The following RASAL2 variants were observed in gnomAD, a reference collection of about 807,000 sequenced individuals.
The protein encoded by RASAL2 is RAS protein activator like 2, also known as ras GTPase-activating protein nGAP.
A neutral mutation model predicts 128.9 loss-of-function variants in RASAL2; 58 were observed. The ratio of observed to expected loss-of-function variants is 0.45; its 90% confidence interval spans 0.36 to 0.56. The LOEUF is 0.56. RASAL2 is among the 20% of genes least tolerant of loss of function. RASAL2 has a pLI of 0.00. For missense variants in RASAL2, 1,360 were observed against 1,601.6 expected (o/e 0.85, Z 2.57); for synonymous variants, 561 against 580.8 (o/e 0.97, Z 0.49).
intron 1 of RASAL2, among the ~76,000 whole-genome samples, chr1:178,278,115 A>G (rs1029306249): frequency 6.6e-6 from 1 of 152,212 alleles, no homozygotes; most frequent in Non-Finnish European, 1.5e-5. Flanking sequence ...CCATTTTTAC[A>G]GTTCAATGCA....
chr1:178,166,015 T>C (rs1391861409), intron 1 of RASAL2, among the ~76,000 whole-genome samples: 1 of 152,092 alleles, frequency 6.6e-6, no homozygotes, highest in Non-Finnish European at 1.5e-5. Context: ...CCAAACCCAC[T>C]TTACCCACCT....
intron 3 of RASAL2, among the ~76,000 whole-genome samples, chr1:178,357,362 TC>T (rs954447529): frequency 1.3e-5 from 2 of 151,994 alleles, no homozygotes; most frequent in South Asian, 2.1e-4. Flanking sequence ...TTTTTTTTTT[TC>T]GAATGGTCAG....
At chr1:178,196,692 C>T (rs1211718243) in intron 1 of RASAL2, among the ~76,000 whole-genome samples, 1 of 152,180 alleles carries the variant, frequency 6.6e-6, no homozygotes, top group African/African-American at 2.4e-5. Flanking sequence ...ACTTAAGCAT[C>T]CTTGGATTCT....
intron 2 of RASAL2, among the ~76,000 whole-genome samples, chr1:178,285,177 G>A (rs1365871770): frequency 7.4e-6 from 1 of 135,586 alleles, no homozygotes; most frequent in Admixed American, 8.1e-5. Flanking sequence ...GTGGACTGCA[G>A]TGGCACAATC....
At chr1:178,205,443 G>C (rs1663006275) in intron 1 of RASAL2, among the ~76,000 whole-genome samples, 1 of 151,914 alleles carries the variant, frequency 6.6e-6, no homozygotes, top group African/African-American at 2.4e-5. Context: ...CACCAACCTT[G>C]TTAACAATAA....
chr1:178,442,026 G>A (rs1403196796), intron 7 of RASAL2, among the ~76,000 whole-genome samples: 1 of 151,934 alleles, frequency 6.6e-6, no homozygotes, highest in Non-Finnish European at 1.5e-5. Context: ...AGTGACTTGG[G>A]GGGAAGGTGC....
At position 178,317,917 on chromosome 1, in the gene RASAL2, C is replaced by T. The variant is rs7541766; in HGVS notation, c.457+17799C>T. Among the ~76,000 whole-genome samples the T allele has an allele frequency of 6.0e-3, 905 of 151,926 alleles. 8 individuals are homozygous for T. The highest frequency in any genetic ancestry group is 0.021 in the African/African-American group (856 of 41,382). ...CAATTTTGGATCTTTCCTGCTTTCT[C>T]TTGTGGGCATTTATTGCTATAAATT... On this transcript the variant is annotated intron_variant, in intron 3 of 17. Coordinates refer to ENST00000367649, the MANE Select transcript of RASAL2 (RefSeq NM_170692.4).
intron 1 of RASAL2, among the ~76,000 whole-genome samples, chr1:178,272,766 A>G (rs1666320209): frequency 6.6e-6 from 1 of 152,132 alleles, no homozygotes; most frequent in South Asian, 2.1e-4. Flanking sequence ...TGTCTCTACT[A>G]AAAATACAAA....
chr1:178,295,252 A>G lies in RASAL2; in HGVS notation c.331-4740A>G, dbSNP rs529583065. Among the ~76,000 whole-genome samples, 18 of 151,664 alleles carry G rather than the reference A, an allele frequency of 1.2e-4. 2 individuals carry two copies. In the South Asian group the frequency reaches 3.7e-3, roughly 32 times the overall value. On this transcript the variant is annotated intron_variant, in intron 2 of 17. Coordinates refer to ENST00000367649, the MANE Select transcript of RASAL2 (RefSeq NM_170692.4). ...GGCATTTTTTTTCTCCCAAAAAAAA[A>G]AAAACAAAAAAAAACCAGGGTACAT... is the stretch of plus-strand genomic sequence containing the variant.
At chr1:178,209,418 T>C (rs1395343095) in intron 1 of RASAL2, among the ~76,000 whole-genome samples, 5 of 152,214 alleles carry the variant, frequency 3.3e-5, no homozygotes, top group Non-Finnish European at 5.9e-5. Flanking sequence ...TTGCCTGTCA[T>C]TTTGGTGTAA....
chr1:178,361,427 G>C (rs1487114294), intron 3 of RASAL2, among the ~76,000 whole-genome samples: 1 of 151,678 alleles, frequency 6.6e-6, no homozygotes, highest in Non-Finnish European at 1.5e-5. Flanking sequence ...TTTTTTTTGA[G>C]TTGCCAAAAC....
chr1:178,183,276 T>G (rs575949704), intron 1 of RASAL2, among the ~76,000 whole-genome samples: 1 of 152,378 alleles, frequency 6.6e-6, no homozygotes, highest in African/African-American at 2.4e-5. Flanking sequence ...ACAAATAGAT[T>G]GTTTTGTCAC....
rs368591604 is a variant in RASAL2, at chr1:178,362,045, A to G, written c.458-28055A>G. On this transcript the variant is annotated intron_variant, in intron 3 of 17. Coordinates refer to ENST00000367649, the MANE Select transcript of RASAL2 (RefSeq NM_170692.4). ...TGGCGGTAATGCTTGTTCATCTGCC[A>G]CTCACCTCCTGCTGTGCGGCCTACT... Among the ~76,000 whole-genome samples, 395 of 152,112 alleles carry G rather than the reference A, an allele frequency of 2.6e-3. 2 individuals are homozygous for G. The highest frequency in any genetic ancestry group is 4.3e-3 in the Non-Finnish European group (290 of 67,988).
At chr1:178,290,071 A>G (rs1206953564) in intron 2 of RASAL2, among the ~76,000 whole-genome samples, 1 of 152,198 alleles carries the variant, frequency 6.6e-6, no homozygotes, top group Non-Finnish European at 1.5e-5. Flanking sequence ...TATTTTTTAT[A>G]GCATTTGCCA....
intron 1 of RASAL2, among the ~76,000 whole-genome samples, chr1:178,173,179 A>G (rs1386500413): frequency 1.3e-5 from 2 of 152,068 alleles, no homozygotes; most frequent in Admixed American, 6.6e-5. Context: ...ACCTCTAGTT[A>G]CTGTAGTAAC....
At chr1:178,233,519 C>T (rs991097909) in intron 1 of RASAL2, among the ~76,000 whole-genome samples, 2 of 152,104 alleles carry the variant, frequency 1.3e-5, no homozygotes, top group African/African-American at 4.8e-5. Flanking sequence ...GGAAAGGGAA[C>T]AAAAGGGAGA....
At chr1:178,224,637 A>G (rs1370111094) in intron 1 of RASAL2, among the ~76,000 whole-genome samples, 1 of 152,206 alleles carries the variant, frequency 6.6e-6, no homozygotes, top group African/African-American at 2.4e-5. Context: ...CTATGTAGTC[A>G]CTTGTTCTAG....
intron 3 of RASAL2, chr1:178,372,132 G>T (rs1671753475): frequency 1.0e-6 from 1 of 978,712 alleles, no homozygotes; most frequent in Admixed American, 6.2e-5. Flanking sequence ...TTACTGCCTA[G>T]CCAGCAATTT....
chr1:178,128,809 C>G (rs773756816), intron 1 of RASAL2, among the ~76,000 whole-genome samples: 2 of 152,030 alleles, frequency 1.3e-5, no homozygotes, highest in South Asian at 4.1e-4. Context: ...TGACTGGGTT[C>G]TTTCACCATG....
Sources: allele counts gnomAD v4.1 joint callset (sites outside exome capture counted in the v4.1 genomes callset), GRCh38; gene constraint gnomAD v4.1.1; transcripts MANE v1.5; gene names NCBI Gene and HGNC (gene_info 2026-07-23, HGNC 2026-07-21).